The following DGKI variants were observed in gnomAD, a reference collection of about 807,000 sequenced individuals.
The protein encoded by DGKI is DAG kinase iota.
DGKI carries 55 observed loss-of-function variants against 147.5 expected under a neutral mutation model. That is an observed-to-expected ratio of 0.37 (90% confidence interval 0.30 to 0.47). The LOEUF is 0.47. DGKI is among the 20% of genes least tolerant of loss of function. The pLI, the probability that DGKI is intolerant of heterozygous loss-of-function variation, is 1.00. For missense variants in DGKI, 1,007 were observed against 1,323.8 expected (o/e 0.76, Z 3.71); for synonymous variants, 469 against 477.1 (o/e 0.98, Z 0.22).
At chr7:137,652,378 G>C (rs923553467) in intron 5 of DGKI, among the ~76,000 whole-genome samples, 1 of 152,122 alleles carries the variant, frequency 6.6e-6, no homozygotes, top group Non-Finnish European at 1.5e-5. Context: ...CCTCCACATT[G>C]ACCTATCAAT....
At chr7:137,795,306 C>T (rs1021193381) in intron 1 of DGKI, among the ~76,000 whole-genome samples, 4 of 152,152 alleles carry the variant, frequency 2.6e-5, no homozygotes, top group African/African-American at 9.7e-5. Flanking sequence ...AAACCAGTGG[C>T]CTAGTAGCTA....
chr7:137,749,945 A>G (rs1352856395), intron 1 of DGKI, among the ~76,000 whole-genome samples: 1 of 152,170 alleles, frequency 6.6e-6, no homozygotes, highest in Non-Finnish European at 1.5e-5. Flanking sequence ...AGACCTGCTC[A>G]GTGGGGTTGG....
chr7:137,799,432 G>C (rs1797129122), intron 1 of DGKI, among the ~76,000 whole-genome samples: 1 of 152,252 alleles, frequency 6.6e-6, no homozygotes, highest in African/African-American at 2.4e-5. Flanking sequence ...AGTGATGATA[G>C]TCAAACTCTG....
chr7:137,820,391 A>C (rs1286633953), intron 1 of DGKI, among the ~76,000 whole-genome samples: 1 of 152,090 alleles, frequency 6.6e-6, no homozygotes, highest in Non-Finnish European at 1.5e-5. Context: ...GATTCATCCC[A>C]CAGAAAACTC....
Position 137,466,029 on chromosome 7 carries a change from A to G in DGKI, c.2491T>C (p.Leu831=). ...FYRIDRSQEH[L]HFVMEISQDE... is the part of the protein sequence containing the mutation. ...TGGGAAATCTCCATCACAAAGTGCAAATGTTCCTAAAGAAGAACAAGAAGT... is the reference window on the plus strand; with the variant it reads ...TGGGAAATCTCCATCACAAAGTGCAGATGTTCCTAAAGAAGAACAAGAAGT... The change falls in exon 26 of 33, where the codon TTG becomes CTG. Residue 831 remains leucine (L), a synonymous_variant. Coordinates refer to ENST00000614521, the MANE Select transcript of DGKI (RefSeq NM_001321708.2). 6.2e-7 allele frequency: 1 copy of G among 1,613,824 alleles called. No individual in the cohort carries two copies. The highest frequency in any genetic ancestry group is 8.5e-7 in the Non-Finnish European group (1 of 1,179,778).
rs1218323333 is a variant in DGKI, at chr7:137,472,046, T to C, written c.2374-2427A>G. On this transcript the variant is annotated intron_variant, in intron 23 of 32. Coordinates refer to ENST00000614521, the MANE Select transcript of DGKI (RefSeq NM_001321708.2). ...ATATATTATATACACACTATATATG[T>C]ATATATGTTATATACATACATATAT... Among the ~76,000 whole-genome samples the C allele has an allele frequency of 1.1e-4, 13 of 117,732 alleles. No homozygotes were observed. The East Asian group carries it at 3.4e-3, about 31-fold the overall frequency. 77.2% of individuals were successfully genotyped at this position (117,732 alleles called of 152,430 possible).
At chr7:137,545,702 C>T (rs1817840554) in intron 20 of DGKI, among the ~76,000 whole-genome samples, 1 of 152,194 alleles carries the variant, frequency 6.6e-6, no homozygotes, top group Non-Finnish European at 1.5e-5. Flanking sequence ...GAACTGTTAA[C>T]TTAGAGGATG....
At chr7:137,576,188 C>T (rs541449147) in intron 17 of DGKI, among the ~76,000 whole-genome samples, 3 of 151,986 alleles carry the variant, frequency 2.0e-5, no homozygotes, top group Admixed American at 6.5e-5. Context: ...CAGGCACATG[C>T]CACCACGCCT....
intron 1 of DGKI, among the ~76,000 whole-genome samples, chr7:137,777,150 C>T (rs1796385830): frequency 6.6e-6 from 1 of 152,058 alleles, no homozygotes; most frequent in African/African-American, 2.4e-5. Flanking sequence ...TATGATCATG[C>T]CACTGAGCTT....
chr7:137,516,190 T>TA (rs1816738768), intron 21 of DGKI, among the ~76,000 whole-genome samples: 1 of 152,112 alleles, frequency 6.6e-6, no homozygotes, highest in African/African-American at 2.4e-5. Context: ...ACAATGTACT[T>TA]ACATGGTTTC....
chr7:137,687,378 C>G (rs907704111), intron 2 of DGKI, among the ~76,000 whole-genome samples: 5 of 152,170 alleles, frequency 3.3e-5, no homozygotes, highest in African/African-American at 1.2e-4. Flanking sequence ...CATTTCCATA[C>G]ATTGAGTCCA....
intron 6 of DGKI, among the ~76,000 whole-genome samples, chr7:137,638,781 TTTA>T (rs1402481549): frequency 6.6e-6 from 1 of 150,694 alleles, no homozygotes; most frequent in Admixed American, 6.6e-5. Flanking sequence ...TACAGAGATA[TTTA>T]TTATGTTGTA....
In DGKI at chr7:137,465,958, C is replaced by T. The variant is rs555376064; in HGVS notation, c.2562G>A (p.Pro854=). The change falls in exon 26 of 33, where the codon CCG becomes CCA. Residue 854 remains proline, a synonymous_variant. Transcript: ENST00000614521. ...ILDPDMVVSQ[P]AGTPPGMPDL... ...CAGGCATGCCCGGAGGTGTCCCCGC[C>T]GGCTGTGACACCACCATATCTGGGT... is the stretch of plus-strand genomic sequence containing the variant. 4.1e-5 allele frequency: 66 copies of T among 1,614,102 alleles called. No individual in the cohort carries two copies. The highest frequency in any genetic ancestry group is 1.7e-4 in the Middle Eastern group (1 of 6,060).
chr7:137,701,608 A>G (rs1437299673), intron 1 of DGKI, among the ~76,000 whole-genome samples: 4 of 152,138 alleles, frequency 2.6e-5, no homozygotes, highest in African/African-American at 4.8e-5. Flanking sequence ...GCACTAAAAA[A>G]CATGCATTAT....
intron 1 of DGKI, among the ~76,000 whole-genome samples, chr7:137,843,218 T>A (rs1448834128): frequency 6.6e-6 from 1 of 151,508 alleles, no homozygotes; most frequent in Non-Finnish European, 1.5e-5. Flanking sequence ...CTCCCTTATG[T>A]GTTTCTGAAG....
chr7:137,447,318 A>G (rs1813754769), intron 27 of DGKI, among the ~76,000 whole-genome samples: 1 of 152,226 alleles, frequency 6.6e-6, no homozygotes, highest in Admixed American at 6.5e-5. Context: ...GAACAATTTC[A>G]GGGAACTCAT....
intron 19 of DGKI, among the ~76,000 whole-genome samples, chr7:137,566,124 G>GA (rs1192254874): frequency 5.9e-5 from 9 of 151,966 alleles, no homozygotes; most frequent in African/African-American, 1.4e-4. Context: ...AAATTTCTAA[G>GA]AAAAATAGTT....
intron 1 of DGKI, among the ~76,000 whole-genome samples, chr7:137,704,327 A>T (rs1025983748): frequency 6.6e-6 from 1 of 152,238 alleles, no homozygotes; most frequent in Non-Finnish European, 1.5e-5. Context: ...AATATTGAAA[A>T]GGAGCCAAAT....
chr7:137,398,042 TCTGTACCACTG>T (rs1217083195), intron 30 of DGKI, among the ~76,000 whole-genome samples: 2 of 152,216 alleles, frequency 1.3e-5, no homozygotes, highest in Non-Finnish European at 2.9e-5. Context: ...CCTTTCTAGC[TCTGTACCACTG>T]CTTCTCTCCC....
Sources: gnomAD v4.1 joint callset for allele counts (sites outside exome capture counted in the v4.1 genomes callset) on GRCh38, gnomAD v4.1.1 for gene constraint, MANE v1.5 for transcripts, NCBI Gene and HGNC (gene_info 2026-07-23, HGNC 2026-07-21) for gene names.